Variants in PPARGC1A observed in about 807,000 individuals in gnomAD.
PPARGC1A encodes PPARG coactivator 1 alpha.
In PPARGC1A, 25 loss-of-function variants were observed where a neutral mutation model predicts 88.7. That is an observed-to-expected ratio of 0.28 (90% confidence interval 0.21 to 0.39). The LOEUF (loss-of-function observed/expected upper bound fraction) is 0.39. PPARGC1A is among the 10% of genes least tolerant of loss of function. The pLI is 1.00. For synonymous variants in PPARGC1A, 363 were observed against 355.6 expected (o/e 1.02, Z -0.24); for missense variants, 880 against 968.7 (o/e 0.91, Z 1.22).
chr4:24,160,151 C>T, the PPARGC1A span, among the ~76,000 whole-genome samples: 1 of 152,198 alleles, frequency 6.6e-6, no homozygotes, highest in African/African-American at 2.4e-5. Flanking sequence ...GATTTTAGAC[C>T]TCTAATCTCT....
chr4:24,062,079 C>A, the PPARGC1A span, among the ~76,000 whole-genome samples: 1 of 152,202 alleles, frequency 6.6e-6, no homozygotes, highest in Non-Finnish European at 1.5e-5. Context: ...GTGCTCCTAA[C>A]AATAAACCAA....
the PPARGC1A span, among the ~76,000 whole-genome samples, chr4:24,216,492 A>G: frequency 6.6e-6 from 1 of 152,166 alleles, no homozygotes; most frequent in Non-Finnish European, 1.5e-5. Context: ...TCCGGAGCTG[A>G]CGTACTCAAA....
At chr4:24,301,890 G>A in the PPARGC1A span, among the ~76,000 whole-genome samples, 970 of 152,036 alleles carry the variant, frequency 6.4e-3, 11 homozygotes, top group African/African-American at 0.023. Context: ...TGTGTTATAG[G>A]TGCCCCATAA....
At chr4:24,171,175 A>G in the PPARGC1A span, among the ~76,000 whole-genome samples, 2 of 152,062 alleles carry the variant, frequency 1.3e-5, no homozygotes, top group African/African-American at 4.8e-5. Context: ...ACTTTGGGAC[A>G]CTGAGACCGG....
chr4:23,942,214 G>T, the PPARGC1A span, among the ~76,000 whole-genome samples: 3 of 152,114 alleles, frequency 2.0e-5, no homozygotes, highest in Non-Finnish European at 4.4e-5. Flanking sequence ...CAACACACAG[G>T]CCTCTAAGCA....
At chr4:24,099,152 C>T in the PPARGC1A span, among the ~76,000 whole-genome samples, 9,467 of 150,060 alleles carry the variant, frequency 0.063, 401 homozygotes, top group East Asian at 0.14. Context: ...AAGTCATAAG[C>T]CCCCAGAAAT....
the PPARGC1A span, among the ~76,000 whole-genome samples, chr4:24,063,271 G>T: frequency 2.0e-4 from 30 of 152,200 alleles, no homozygotes; most frequent in Non-Finnish European, 3.2e-4. Context: ...GGCCAAGAGA[G>T]TCAACTCCCT....
At position 23,873,198 on chromosome 4, in the gene PPARGC1A, AAAAAT is replaced by A. The variant is rs1268690790; in HGVS notation, c.234+11549_234+11553del. ...GGGCGACAGAGCGAGACTCCGTCTC[AAAAAT>A]AAAAAATAAAAAATAAAAAATAAAG... On this transcript the variant is annotated intron_variant, in intron 2 of 12. Coordinates refer to ENST00000264867, the MANE Select transcript of PPARGC1A (RefSeq NM_013261.5). Among the ~76,000 whole-genome samples the A allele has an allele frequency of 1.0e-3, 86 of 83,926 alleles. 7 individuals are homozygous for A. The highest frequency in any genetic ancestry group is 3.1e-3 in the African/African-American group (79 of 25,596). The allele number at this position is 83,926 out of a possible 152,430, so 55.1% of individuals were successfully genotyped here.
the PPARGC1A span, among the ~76,000 whole-genome samples, chr4:23,950,296 C>A: frequency 5.3e-5 from 8 of 151,898 alleles, no homozygotes; most frequent in Non-Finnish European, 1.0e-4. Context: ...ATTTCTGTAC[C>A]CACCTCCTCT....
the PPARGC1A span, among the ~76,000 whole-genome samples, chr4:24,198,927 T>A: frequency 2.6e-5 from 4 of 152,122 alleles, no homozygotes; most frequent in Admixed American, 1.3e-4. Context: ...GATGAGAAGT[T>A]GTCCTAAGCA....
the PPARGC1A span, among the ~76,000 whole-genome samples, chr4:24,025,223 G>A: frequency 6.6e-6 from 1 of 152,126 alleles, no homozygotes; most frequent in African/African-American, 2.4e-5. Flanking sequence ...TGCTCATTGG[G>A]ACGAATTAAC....
the PPARGC1A span, among the ~76,000 whole-genome samples, chr4:24,259,893 C>T: frequency 2.0e-5 from 3 of 152,270 alleles, no homozygotes; most frequent in Admixed American, 6.5e-5. Flanking sequence ...CAGTGAAATG[C>T]TCCTAGAAAA....
the PPARGC1A span, among the ~76,000 whole-genome samples, chr4:24,063,493 C>G: frequency 6.6e-6 from 1 of 152,180 alleles, no homozygotes; most frequent in Admixed American, 6.5e-5. Context: ...TGCCAAGTCA[C>G]TTAACCACCC....
chr4:24,420,947 C>T, the PPARGC1A span, among the ~76,000 whole-genome samples: 2 of 152,178 alleles, frequency 1.3e-5, no homozygotes, highest in African/African-American at 4.8e-5. Flanking sequence ...TACATGTCCT[C>T]ATATGGCAGA....
At chr4:24,003,886 T>C in the PPARGC1A span, among the ~76,000 whole-genome samples, 1 of 151,390 alleles carries the variant, frequency 6.6e-6, no homozygotes, top group Non-Finnish European at 1.5e-5. Flanking sequence ...ACGATTGAGA[T>C]AACACATACG....
intron 2 of PPARGC1A, among the ~76,000 whole-genome samples, chr4:23,854,987 G>T (rs758406600): frequency 1.3e-5 from 2 of 152,128 alleles, no homozygotes; most frequent in Non-Finnish European, 2.9e-5. Context: ...TAATTCCCAC[G>T]TGTGTAGGAG....
the PPARGC1A span, among the ~76,000 whole-genome samples, chr4:24,111,843 C>T: frequency 6.6e-6 from 1 of 152,180 alleles, no homozygotes; most frequent in Non-Finnish European, 1.5e-5. Flanking sequence ...CACGTGCACA[C>T]ATATAGCCAC....
At chr4:23,954,037 A>ATT in the PPARGC1A span, among the ~76,000 whole-genome samples, 1 of 149,774 alleles carries the variant, frequency 6.7e-6, no homozygotes, top group African/African-American at 2.4e-5. Context: ...TATACTAAGT[A>ATT]TTTTTTTTTT....
chr4:23,885,713 G>A (rs777977979), intron 1 of PPARGC1A, among the ~76,000 whole-genome samples: 8 of 151,958 alleles, frequency 5.3e-5, no homozygotes, highest in Non-Finnish European at 8.8e-5. Flanking sequence ...CCTAGTACCT[G>A]GAAAAGAAAA....
Sources: allele counts gnomAD v4.1 joint callset (sites outside exome capture counted in the v4.1 genomes callset), GRCh38; gene constraint gnomAD v4.1.1; transcripts MANE v1.5; gene names NCBI Gene and HGNC (gene_info 2026-07-23, HGNC 2026-07-21).